Variants in ZDHHC11B observed in about 807,000 individuals in gnomAD.
The protein encoded by ZDHHC11B is probable palmitoyltransferase ZDHHC11B.
Under a neutral mutation model 42.3 loss-of-function variants are expected in ZDHHC11B, and 17 were observed. The ratio of observed to expected loss-of-function variants is 0.40; its 90% CI spans 0.27 to 0.60. ZDHHC11B has a LOEUF of 0.60. ZDHHC11B is among the 20% of genes least tolerant of loss of function. The probability of loss-of-function intolerance (pLI) is 0.41; values close to 1 mark genes in which losing one functional copy is unlikely to be tolerated. For missense variants in ZDHHC11B, 262 were observed against 463.2 expected (o/e 0.57, Z 3.99); for synonymous variants, 123 against 193.5 (o/e 0.64, Z 3.02).
chr5:732,672 C>G (rs921574864), intron 11 of ZDHHC11B: 3 of 449,842 alleles, frequency 6.7e-6, no homozygotes, highest in Non-Finnish European at 1.3e-5. Context: ...GCCCTGCCCC[C>G]ACAGGGAAGG....
At chr5:739,522 C>T (rs1743930292) in intron 10 of ZDHHC11B, among the ~76,000 whole-genome samples, 1 of 149,982 alleles carries the variant, frequency 6.7e-6, no homozygotes, top group Admixed American at 6.7e-5. Context: ...AAATGCTGAA[C>T]ATCACTAATT....
chr5:743,290 C>T (rs1447937897), intron 9 of ZDHHC11B, among the ~76,000 whole-genome samples: 3 of 149,630 alleles, frequency 2.0e-5, no homozygotes, highest in African/African-American at 7.4e-5. Flanking sequence ...TCAGCGCCAC[C>T]TGTCTTTAGT....
intron 4 of ZDHHC11B, among the ~76,000 whole-genome samples, chr5:762,872 G>A (rs1420105049): frequency 6.6e-6 from 1 of 151,566 alleles, no homozygotes; most frequent in Non-Finnish European, 1.5e-5. Context: ...TTAAAAAGCT[G>A]ACTCTTTTCA....
At position 766,190 on chromosome 5, in the gene ZDHHC11B, A is replaced by G. The variant is rs369837142; in HGVS notation, c.222+508T>C. 1.1e-4 allele frequency among the ~76,000 whole-genome samples: 16 copies of G among 151,926 alleles called. 1 individual carries two copies. In the East Asian group the frequency reaches 1.5e-3, roughly 15 times the overall value. Reference sequence around the variant, plus strand: ...ACCCGCTGGAAGATGATGGGAGCAGACATGAGTCCCCGCCTGATGGGAGGT... The same window carrying G: ...ACCCGCTGGAAGATGATGGGAGCAGGCATGAGTCCCCGCCTGATGGGAGGT... On this transcript the variant is annotated intron_variant, in intron 4 of 13. Coordinates refer to ENST00000508859, the MANE Select transcript of ZDHHC11B (RefSeq NM_001351303.2).
chr5:765,626 A>C (rs1232546057), intron 4 of ZDHHC11B, among the ~76,000 whole-genome samples: 2 of 151,826 alleles, frequency 1.3e-5, no homozygotes, highest in Admixed American at 6.6e-5. Flanking sequence ...CACATTGTGG[A>C]AGTTTTGTTC....
At chr5:766,667 C>A (rs576913564) in intron 4 of ZDHHC11B, 31 bp downstream of exon 4, 10 of 1,579,010 alleles carry the variant, frequency 6.3e-6, no homozygotes, top group Middle Eastern at 3.3e-4. Flanking sequence ...GAACCCCTCC[C>A]GCTTAGACCA....
intron 12 of ZDHHC11B, among the ~76,000 whole-genome samples, chr5:722,508 C>T (rs1742264881): frequency 6.6e-6 from 1 of 151,666 alleles, no homozygotes; most frequent in South Asian, 2.1e-4. Context: ...GTTCACACTA[C>T]TCGACTGTCA....
In ZDHHC11B at chr5:733,821, G is replaced by A. The variant is rs1356749058; in HGVS notation, c.954C>T (p.Ser318=). 1 of 1,608,338 alleles carries A rather than the reference G, an allele frequency of 6.2e-7. No individual in the cohort carries two copies. The highest frequency in any genetic ancestry group is 1.7e-5 in the Admixed American group (1 of 59,806). The part of the protein sequence containing the change: ...SSAQGVKAKS[S]LLIYKCPCHF... ...GACATGGGCATTTGTAAATCAGCAG[G>A]GAGCTCTTGGCCTTGACTCTGGTGG... The change falls in exon 11 of 14, where the codon TCC becomes TCT. Residue 318 remains serine (S), a synonymous_variant. Transcript: ENST00000508859.
At chr5:739,396 T>TCAAACAAA (rs70955296) in intron 10 of ZDHHC11B, among the ~76,000 whole-genome samples, 20,885 of 145,986 alleles carry the variant, frequency 0.14, 533 homozygotes, top group African/African-American at 0.24. Flanking sequence ...AGACTCTGTC[T>TCAAACAAA]CAAACAAACA....
rs1466736333 is a variant in ZDHHC11B, at chr5:760,582, G to A, written c.223-4438C>T. On this transcript the variant is annotated intron_variant, in intron 4 of 13. Transcript: ENST00000508859. The stretch of plus-strand genomic sequence containing the variant: ...CTTTGTGATGGCAGCCCCAGGACAC[G>A]CCGCGGCCACCTGGTGATGCTGAGG... Among the ~76,000 whole-genome samples, 10 of 151,782 alleles carry A rather than the reference G, an allele frequency of 6.6e-5. 1 individual carries two copies. Among genetic ancestry groups the A allele is most frequent in the Non-Finnish European group, 4.4e-5 (3 of 67,910 alleles).
chr5:774,974 A>C (rs1307398072), intron 1 of ZDHHC11B, among the ~76,000 whole-genome samples: 1 of 151,988 alleles, frequency 6.6e-6, no homozygotes, highest in South Asian at 2.1e-4. Flanking sequence ...CTGGCAGAGG[A>C]GGCTGGTGGA....
chr5:732,801 C>T, intron 11 of ZDHHC11B: 1 of 265,008 alleles, frequency 3.8e-6, no homozygotes, highest in Non-Finnish European at 7.6e-6. Flanking sequence ...AGGCTCACGC[C>T]TCTAATTCCC....
intron 4 of ZDHHC11B, among the ~76,000 whole-genome samples, chr5:757,811 G>A (rs568971988): frequency 1.9e-3 from 287 of 151,676 alleles, no homozygotes; most frequent in African/African-American, 6.6e-3. Context: ...CTGGGGAGCT[G>A]CTGCCCAGGC....
chr5:766,606 G>A lies in ZDHHC11B; in HGVS notation c.222+92C>T, dbSNP rs867770969. ...CCCAGGACAGGTGACTGGTGCCACC[G>A]GGCAGCCATGGCCCAGACCCCACAG... On this transcript the variant is annotated intron_variant, in intron 4 of 13. Transcript: ENST00000508859. The A allele has an allele frequency of 8.9e-5, 119 of 1,344,402 alleles. 1 individual carries two copies. The highest frequency in any genetic ancestry group is 2.7e-4 in the African/African-American group (19 of 70,820). The allele number at this position is 1,344,402 out of a possible 1,614,324, so 83.3% of individuals were successfully genotyped here.
At chr5:756,283 C>G (rs1205143657) in intron 4 of ZDHHC11B, 139 bp from the exon 5 acceptor site, 3 of 1,354,592 alleles carry the variant, frequency 2.2e-6, no homozygotes, top group Non-Finnish European at 3.0e-6. Context: ...GCCCAGCTCA[C>G]CCAGGCCTGG....
chr5:722,944 A>G (rs930043675), intron 12 of ZDHHC11B, among the ~76,000 whole-genome samples: 2 of 151,682 alleles, frequency 1.3e-5, no homozygotes, highest in African/African-American at 4.9e-5. Context: ...AAAATGAAAA[A>G]GTATTCAATG....
chr5:725,011 A>C (rs1156761382), intron 12 of ZDHHC11B, among the ~76,000 whole-genome samples: 2 of 149,512 alleles, frequency 1.3e-5, no homozygotes, highest in East Asian at 4.0e-4. Flanking sequence ...CTTCCTGTAG[A>C]TGGTGAGCCT....
At chr5:778,828 T>C (rs1377295867) in intron 1 of ZDHHC11B, among the ~76,000 whole-genome samples, 12 of 151,848 alleles carry the variant, frequency 7.9e-5, no homozygotes, top group African/African-American at 2.7e-4. Context: ...GCTGAATTCG[T>C]CCCCTCCAAA....
intron 1 of ZDHHC11B, among the ~76,000 whole-genome samples, chr5:776,241 G>A (rs1271658038): frequency 6.6e-6 from 1 of 151,802 alleles, no homozygotes; most frequent in Non-Finnish European, 1.5e-5. Context: ...GCCTGCAGGT[G>A]GCAAAGCTCC....
Sources: allele counts gnomAD v4.1 joint callset (sites outside exome capture counted in the v4.1 genomes callset), GRCh38; gene constraint gnomAD v4.1.1; transcripts MANE v1.5; gene names NCBI Gene and HGNC (gene_info 2026-07-23, HGNC 2026-07-21).